The following GBE1 variants were observed in gnomAD, a reference collection of about 807,000 sequenced individuals.
GBE1 encodes 1,4-alpha-glucan-branching enzyme.
In GBE1, 70 loss-of-function variants were observed where a neutral mutation model predicts 88.8. The observed-to-expected ratio is 0.79, with a 90% confidence interval of 0.65 to 0.96. The LOEUF is 0.96. Ranked by LOEUF, GBE1 falls within the 40% of genes least tolerant of loss-of-function variation. GBE1 has a pLI of 0.00. For missense variants in GBE1, 872 were observed against 871.0 expected, an observed-to-expected ratio of 1.00 and a Z score of -0.01; for synonymous variants, 284 against 300.1, an observed-to-expected ratio of 0.95 and a Z score of 0.56.
At chr3:81,555,912 A>G (rs1163027815) in intron 12 of GBE1, among the ~76,000 whole-genome samples, 1 of 152,150 alleles carries the variant, frequency 6.6e-6, no homozygotes, top group Admixed American at 6.6e-5. Context: ...CGACACACAA[A>G]CAGGGTTGTT....
chr3:81,686,304 G>A (rs936260137), intron 2 of GBE1, among the ~76,000 whole-genome samples: 1 of 152,044 alleles, frequency 6.6e-6, no homozygotes, highest in African/African-American at 2.4e-5. Context: ...ATCTACTACT[G>A]CAGGAAGATA....
chr3:81,616,885 T>C (rs1704254774), intron 7 of GBE1, among the ~76,000 whole-genome samples: 1 of 152,068 alleles, frequency 6.6e-6, no homozygotes, highest in Non-Finnish European at 1.5e-5. Context: ...TAGTTTTCAT[T>C]ATACATTCCT....
At chr3:81,645,259 G>T (rs1576183102) in intron 6 of GBE1, among the ~76,000 whole-genome samples, 1 of 152,094 alleles carries the variant, frequency 6.6e-6, no homozygotes, top group African/African-American at 2.4e-5. Context: ...CCAATATTTA[G>T]TGGTAGTAAA....
At chr3:81,529,001 C>T (rs575037173) in intron 14 of GBE1, among the ~76,000 whole-genome samples, 4 of 152,030 alleles carry the variant, frequency 2.6e-5, no homozygotes, top group African/African-American at 7.2e-5. Context: ...CTTATTGCTG[C>T]CATTTTGTTT....
At chr3:81,643,316 T>C (rs1013508308) in intron 6 of GBE1, among the ~76,000 whole-genome samples, 1 of 152,176 alleles carries the variant, frequency 6.6e-6, no homozygotes, top group Non-Finnish European at 1.5e-5. Flanking sequence ...TCATTCCTGC[T>C]CTGTTTGCCC....
chr3:81,690,315 T>C (rs1167419208), intron 2 of GBE1, among the ~76,000 whole-genome samples: 1 of 152,190 alleles, frequency 6.6e-6, no homozygotes, highest in Non-Finnish European at 1.5e-5. Flanking sequence ...AAATTCCTCT[T>C]ACTAAGCTTC....
intron 1 of GBE1, among the ~76,000 whole-genome samples, chr3:81,755,004 C>T: frequency 6.6e-6 from 1 of 152,024 alleles, no homozygotes; most frequent in Non-Finnish European, 1.5e-5. Context: ...AAAGCTTCTG[C>T]ACAGCAAAGG....
intron 7 of GBE1, among the ~76,000 whole-genome samples, chr3:81,602,922 C>A (rs1337707754): frequency 6.6e-6 from 1 of 152,172 alleles, no homozygotes; most frequent in Non-Finnish European, 1.5e-5. Flanking sequence ...TCCTTCTGCA[C>A]CAAATCTCAT....
At chr3:81,579,483 T>C (rs1297234494) in intron 11 of GBE1, among the ~76,000 whole-genome samples, 1 of 152,090 alleles carries the variant, frequency 6.6e-6, no homozygotes, top group Admixed American at 6.6e-5. Flanking sequence ...AAATCTATCT[T>C]TTTCATCTTC....
chr3:81,648,124 T>C (rs1246300951), intron 5 of GBE1, among the ~76,000 whole-genome samples: 1 of 152,122 alleles, frequency 6.6e-6, no homozygotes, highest in East Asian at 1.9e-4. Flanking sequence ...ACTTTAACCA[T>C]GCCTTACAAA....
intron 2 of GBE1, among the ~76,000 whole-genome samples, chr3:81,696,167 A>G (rs1205614101): frequency 6.6e-6 from 1 of 152,238 alleles, no homozygotes; most frequent in Non-Finnish European, 1.5e-5. Flanking sequence ...ATCTGAAATG[A>G]AGAGAGAGCT....
intron 2 of GBE1, among the ~76,000 whole-genome samples, chr3:81,689,610 C>G (rs918905177): frequency 1.3e-5 from 2 of 152,088 alleles, no homozygotes; most frequent in Non-Finnish European, 2.9e-5. Context: ...TAAAATAGCC[C>G]GCAAGGCCCT....
chr3:81,565,847 T>A (rs1703486056), intron 12 of GBE1, among the ~76,000 whole-genome samples: 1 of 152,220 alleles, frequency 6.6e-6, no homozygotes, highest in African/African-American at 2.4e-5. Flanking sequence ...TTGTTCTCTA[T>A]TGCCATGATT....
chr3:81,625,092 GGA>G (rs1479048410), intron 7 of GBE1, among the ~76,000 whole-genome samples: 2 of 150,184 alleles, frequency 1.3e-5, no homozygotes, highest in Non-Finnish European at 3.0e-5. Flanking sequence ...ATGTTATGAG[GGA>G]GGGGGAGGGG....
At chr3:81,731,646 C>T (rs901109427) in intron 1 of GBE1, among the ~76,000 whole-genome samples, 1 of 152,124 alleles carries the variant, frequency 6.6e-6, no homozygotes, top group African/African-American at 2.4e-5. Flanking sequence ...CAGATTCCCC[C>T]TTCCTGGTCT....
intron 12 of GBE1, among the ~76,000 whole-genome samples, chr3:81,550,979 C>G (rs1703264242): frequency 1.3e-5 from 2 of 152,158 alleles, no homozygotes; most frequent in Non-Finnish European, 2.9e-5. Flanking sequence ...TTGCCTAGAT[C>G]CAAGAACCCT....
chr3:81,648,453 T>C (rs1256857961), intron 5 of GBE1, among the ~76,000 whole-genome samples: 1 of 152,058 alleles, frequency 6.6e-6, no homozygotes, highest in Non-Finnish European at 1.5e-5. Context: ...ATAAAATAAC[T>C]GATACAAAAT....
intron 1 of GBE1, among the ~76,000 whole-genome samples, chr3:81,727,109 C>G (rs972854198): frequency 6.6e-6 from 1 of 152,138 alleles, no homozygotes; most frequent in Non-Finnish European, 1.5e-5. Context: ...CACACTGAGA[C>G]AGTTCAATGT....
chr3:81,516,889 T>A (rs1386021149), intron 14 of GBE1, among the ~76,000 whole-genome samples: 1 of 151,586 alleles, frequency 6.6e-6, no homozygotes, highest in African/African-American at 2.4e-5. Context: ...TGCAGTCTCG[T>A]GATAAAACTT....
Sources: gnomAD v4.1 joint callset for allele counts (sites outside exome capture counted in the v4.1 genomes callset) on GRCh38, gnomAD v4.1.1 for gene constraint, MANE v1.5 for transcripts, NCBI Gene and HGNC (gene_info 2026-07-23, HGNC 2026-07-21) for gene names.